The following LIPK variants were observed in gnomAD, a reference collection of about 807,000 sequenced individuals.
LIPK encodes lipase member K.
LIPK carries 32 observed loss-of-function variants against 48.6 expected under a neutral mutation model. The observed-to-expected ratio is 0.66, with a 90% CI of 0.50 to 0.88. The LOEUF (loss-of-function observed/expected upper bound fraction) is 0.88. LIPK is among the 40% of genes least tolerant of loss of function. The pLI is 0.00. For synonymous variants in LIPK, 164 were observed against 157.4 expected, an observed-to-expected ratio of 1.04 and a Z score of -0.32; for missense variants, 507 against 478.5, an observed-to-expected ratio of 1.06 and a Z score of -0.56.
chr10:88,724,280 T>C (rs1158873705), intron 1 of LIPK, among the ~76,000 whole-genome samples: 1 of 152,200 alleles, frequency 6.6e-6, no homozygotes, highest in African/African-American at 2.4e-5. Flanking sequence ...GGAAACTTGA[T>C]TGATTGGTTT....
chr10:88,741,593 T>A (rs1412716660), intron 8 of LIPK, among the ~76,000 whole-genome samples: 1 of 152,164 alleles, frequency 6.6e-6, no homozygotes, highest in Non-Finnish European at 1.5e-5. Context: ...CAGAGAGTCC[T>A]CTTCAGGATA....
At chr10:88,717,474 C>G (rs1333472915) in intron 1 of LIPK, among the ~76,000 whole-genome samples, 1 of 152,098 alleles carries the variant, frequency 6.6e-6, no homozygotes, top group Non-Finnish European at 1.5e-5. Flanking sequence ...AGGAAGGTGG[C>G]ATAGGCATTT....
chr10:88,727,780 C>G, intron 3 of LIPK: 1 of 278,164 alleles, frequency 3.6e-6, no homozygotes, highest in Non-Finnish European at 7.2e-6. Context: ...TGGATCCCAA[C>G]ATCCATGCTG....
At chr10:88,732,129 C>A (rs1353720820) in intron 4 of LIPK, 49 bp from the exon 5 acceptor site, 1 of 1,247,358 alleles carries the variant, frequency 8.0e-7, no homozygotes, top group Non-Finnish European at 1.2e-6. Flanking sequence ...ATGTTCTAGG[C>A]CTAACAATGA....
intron 1 of LIPK, among the ~76,000 whole-genome samples, chr10:88,711,386 C>A (rs950005470): frequency 2.6e-5 from 4 of 152,118 alleles, no homozygotes; most frequent in African/African-American, 9.7e-5. Flanking sequence ...GTGGCAAGAG[C>A]GCTTAAAATG....
rs1325065419 is a variant in LIPK, at chr10:88,752,579, A to G, written c.1023A>G (p.Gly341=). Residue 341 remains glycine, a synonymous_variant, in exon 10 of 10, where the codon GGA becomes GGG. Coordinates refer to ENST00000404190, the MANE Select transcript of LIPK (RefSeq NM_001080518.2). ...MEVPTAIWNG[G]QDIVADPKDV... ...TTCCAACAGCAATATGGAATGGTGG[A>G]CAGGACATTGTGGCTGATCCCAAGG... is the stretch of plus-strand genomic sequence containing the variant. 1 of 1,572,780 alleles carries G rather than the reference A, an allele frequency of 6.4e-7. No homozygotes were observed. Among genetic ancestry groups the G allele is most frequent in the East Asian group, 2.3e-5 (1 of 43,408 alleles).
At chr10:88,706,971 A>G (rs1841947249) in intron 1 of LIPK, among the ~76,000 whole-genome samples, 1 of 152,138 alleles carries the variant, frequency 6.6e-6, no homozygotes, top group African/African-American at 2.4e-5. Context: ...CACCCTTTAA[A>G]TTGCAGACCT....
chr10:88,728,703 A>T, intron 3 of LIPK: 1 of 391,896 alleles, frequency 2.6e-6, no homozygotes, highest in Non-Finnish European at 5.1e-6. Context: ...GTGTATGCAT[A>T]GGAAGACAAG....
At chr10:88,747,241 G>T (rs924507397) in intron 9 of LIPK, among the ~76,000 whole-genome samples, 4 of 152,136 alleles carry the variant, frequency 2.6e-5, no homozygotes, top group Non-Finnish European at 5.9e-5. Flanking sequence ...GAGGAGGAGG[G>T]ACTCTTCTCT....
chr10:88,739,724 T>A (rs1356840477), intron 7 of LIPK, among the ~76,000 whole-genome samples: 1 of 151,894 alleles, frequency 6.6e-6, no homozygotes. Flanking sequence ...CCAGGCGTGG[T>A]GGTGCGCACC....
At chr10:88,710,657 T>C (rs1048229032) in intron 1 of LIPK, among the ~76,000 whole-genome samples, 21 of 152,316 alleles carry the variant, frequency 1.4e-4, no homozygotes, top group South Asian at 1.2e-3. Flanking sequence ...ATCCAGGCTG[T>C]TGAATGTGTC....
chr10:88,726,747 A>G lies in LIPK; in HGVS notation c.106-48A>G, dbSNP rs747461602. 6.3e-5 allele frequency: 57 copies of G among 909,572 alleles called. No individual in the cohort carries two copies. In the East Asian group the frequency reaches 1.5e-3, roughly 23 times the overall value. 56.3% of individuals were successfully genotyped at this position (909,572 alleles called of 1,614,324 possible). ...ACTATGTTGTAATTCATGTGTAAAA[A>G]TTAAGAGATTATAACATGAAGGTAT... is the stretch of plus-strand genomic sequence containing the variant. On this transcript the variant is annotated intron_variant, in intron 2 of 9. Transcript: ENST00000404190.
intron 6 of LIPK, among the ~76,000 whole-genome samples, chr10:88,734,960 AC>A (rs1842542762): frequency 6.6e-6 from 1 of 152,026 alleles, no homozygotes; most frequent in African/African-American, 2.4e-5. Flanking sequence ...GACTGAGACA[AC>A]CTTTTTTCTC....
chr10:88,731,018 AT>A lies in LIPK; in HGVS notation c.261del (p.Ile87MetfsTer72). 6.3e-7 allele frequency: 1 copy of A among 1,594,914 alleles called. No individual in the cohort carries two copies. The highest frequency in any genetic ancestry group is 8.5e-7 in the Non-Finnish European group (1 of 1,170,024). ...KPAVYLQHGL[I>X]ASASNWICNL... ...TGCTGTGTATTTGCAGCATGGCTTA[AT>A]TGCATCTGCCAGTAACTGGATTTGC... On this transcript the variant is annotated frameshift_variant, in exon 4 of 10. Coordinates refer to ENST00000404190, the MANE Select transcript of LIPK (RefSeq NM_001080518.2). LOFTEE classifies it high-confidence loss of function.
chr10:88,720,891 A>G (rs1366180894), intron 1 of LIPK, among the ~76,000 whole-genome samples: 1 of 151,926 alleles, frequency 6.6e-6, no homozygotes, highest in Admixed American at 6.6e-5. Context: ...TGATAAATCA[A>G]TAAAATCTAT....
intron 9 of LIPK, among the ~76,000 whole-genome samples, chr10:88,744,199 C>T (rs1035366861): frequency 2.0e-5 from 3 of 152,262 alleles, no homozygotes; most frequent in African/African-American, 7.2e-5. Context: ...GCCTCACATG[C>T]CCAACCAGAG....
intron 1 of LIPK, among the ~76,000 whole-genome samples, chr10:88,716,356 CT>C (rs11374780): frequency 0.015 from 1,829 of 120,232 alleles, 28 homozygotes; most frequent in African/African-American, 0.053. Flanking sequence ...AGGAAAATTT[CT>C]TTTTTTTTTT....
rs576331819 is a variant in LIPK at position 88,746,367 on chromosome 10, C to T, written c.960+3046C>T. Reference sequence around the variant, plus strand: ...ATGGCATATACTCTAAAATCGACCACACACTCAACCATAAAGCAATTCTCA... The same window carrying T: ...ATGGCATATACTCTAAAATCGACCATACACTCAACCATAAAGCAATTCTCA... On this transcript the variant is annotated intron_variant, in intron 9 of 9. Transcript: ENST00000404190. Among the ~76,000 whole-genome samples, 15 of 151,602 alleles carry T rather than the reference C, an allele frequency of 9.9e-5. No homozygotes were observed. In the East Asian group the frequency reaches 2.9e-3, roughly 30 times the overall value.
At chr10:88,714,610 G>T (rs536831156) in intron 1 of LIPK, among the ~76,000 whole-genome samples, 1 of 152,128 alleles carries the variant, frequency 6.6e-6, no homozygotes, top group South Asian at 2.1e-4. Context: ...TCTGGAAATG[G>T]TTTTTTAAGT....
Sources: allele counts gnomAD v4.1 joint callset (sites outside exome capture counted in the v4.1 genomes callset), GRCh38; gene constraint gnomAD v4.1.1; transcripts MANE v1.5; gene names NCBI Gene and HGNC (gene_info 2026-07-23, HGNC 2026-07-21).